The following THSD4 variants were observed in gnomAD, a reference collection of about 807,000 sequenced individuals.
THSD4 encodes thrombospondin type-1 domain-containing protein 4.
A neutral mutation model predicts 119.0 loss-of-function variants in THSD4; 69 were observed. That is an observed-to-expected ratio of 0.58 (90% CI 0.48 to 0.71). THSD4 has a LOEUF of 0.71. THSD4 is among the 30% of genes least tolerant of loss of function. THSD4 has a pLI of 0.00. For missense variants in THSD4, 1,393 were observed against 1,391.1 expected, an observed-to-expected ratio of 1.00 and a Z score of -0.02; for synonymous variants, 524 against 540.4, an observed-to-expected ratio of 0.97 and a Z score of 0.42.
intron 3 of THSD4, chr15:71,165,223 C>T (rs1309063286): frequency 1.3e-6 from 2 of 1,554,274 alleles, no homozygotes; most frequent in African/African-American, 1.4e-5. Context: ...CCTTGTCCAC[C>T]TTTGCCATAT....
At chr15:71,457,038 A>G (rs1265217776) in intron 7 of THSD4, among the ~76,000 whole-genome samples, 2 of 152,110 alleles carry the variant, frequency 1.3e-5, no homozygotes, top group East Asian at 3.9e-4. Flanking sequence ...ATGAACATCC[A>G]TTAAACAAGG....
chr15:71,138,333 T>A (rs1428576736), intron 1 of THSD4, among the ~76,000 whole-genome samples: 1 of 152,140 alleles, frequency 6.6e-6, no homozygotes, highest in East Asian at 1.9e-4. Context: ...GCCCCCATGA[T>A]CCAGTCACTT....
chr15:71,342,168 T>C (rs545059013), intron 6 of THSD4, among the ~76,000 whole-genome samples: 85 of 152,318 alleles, frequency 5.6e-4, no homozygotes, highest in African/African-American at 2.0e-3. Flanking sequence ...GTAGGTGTTA[T>C]TTAATAACAT....
intron 6 of THSD4, among the ~76,000 whole-genome samples, chr15:71,346,863 A>ATT (rs1596355013): frequency 7.4e-5 from 7 of 95,228 alleles, no homozygotes; most frequent in Admixed American, 1.1e-4. Context: ...TTTCATTTTC[A>ATT]TTTTCTTTTT....
rs372727721 is a variant in THSD4 at position 71,415,709 on chromosome 15, A to G, written c.1152+3886A>G. 3.5e-4 allele frequency among the ~76,000 whole-genome samples: 54 copies of G among 152,278 alleles called. No homozygotes were observed. In the East Asian group the frequency reaches 9.8e-3, roughly 28 times the overall value. The stretch of plus-strand genomic sequence containing the variant: ...CAACTACCCTTCCCAGCCTCTGGTA[A>G]CCATCATTATCCTCTCTATCTCCAT... On this transcript the variant is annotated intron_variant, in intron 7 of 17. Coordinates refer to ENST00000261862, the MANE Select transcript of THSD4 (RefSeq NM_024817.3).
intron 1 of THSD4, among the ~76,000 whole-genome samples, chr15:71,097,972 G>A (rs954732193): frequency 6.6e-6 from 1 of 151,712 alleles, no homozygotes; most frequent in African/African-American, 2.4e-5. Context: ...GATGTTTTTG[G>A]GGAAACATCT....
chr15:71,377,551 A>G (rs2046155374), intron 6 of THSD4, among the ~76,000 whole-genome samples: 1 of 152,060 alleles, frequency 6.6e-6, no homozygotes, highest in African/African-American at 2.4e-5. Context: ...CAAAGGGACA[A>G]GAGGACATTG....
intron 8 of THSD4, among the ~76,000 whole-genome samples, chr15:71,715,630 AG>A (rs2052592157): frequency 1.3e-5 from 2 of 152,110 alleles, no homozygotes; most frequent in African/African-American, 4.8e-5. Context: ...AATCAAAGAA[AG>A]AACTATCCTA....
At chr15:71,658,307 A>G (rs2051231080) in intron 7 of THSD4, among the ~76,000 whole-genome samples, 1 of 152,216 alleles carries the variant, frequency 6.6e-6, no homozygotes, top group Non-Finnish European at 1.5e-5. Flanking sequence ...CAGCCGTGTC[A>G]TTCTGTGTTC....
intron 6 of THSD4, among the ~76,000 whole-genome samples, chr15:71,338,318 A>G (rs1055315457): frequency 1.4e-5 from 2 of 141,120 alleles, no homozygotes; most frequent in Non-Finnish European, 3.1e-5. Flanking sequence ...GCAGTAGGAC[A>G]GGAAGATCTG....
Position 71,737,959 on chromosome 15 carries a change from A to C in THSD4, c.1858A>C (p.Asn620His). 1.9e-6 allele frequency: 3 copies of C among 1,613,968 alleles called. No individual in the cohort carries two copies. The highest frequency in any genetic ancestry group is 2.5e-6 in the Non-Finnish European group (3 of 1,179,894). The change falls in exon 11 of 18, where the codon AAC (asparagine) becomes CAC (histidine). Residue 620 changes from asparagine to histidine, a missense_variant. By Grantham distance (68) the Asn-to-His change is moderately conservative (BLOSUM62 1). Transcript: ENST00000261862. ...GCCCCCACGGCGCAGCCGGGATCAC[A>C]ACTGGAAGCAGCTTGGGACAACAGA... is the stretch of plus-strand genomic sequence containing the variant. ...PQPPRRSRDH[N>H]WKQLGTTECS...
At chr15:71,776,005 A>G (rs8028659) in intron 17 of THSD4, among the ~76,000 whole-genome samples, 23,740 of 152,192 alleles carry the variant, frequency 0.16, 3,061 homozygotes, top group African/African-American at 0.35. Flanking sequence ...TCCATATACA[A>G]GGAAAAAAAC....
At chr15:71,297,315 C>CTTTTTTTTTTTTTTTTTTTTT (rs772196153) in intron 6 of THSD4, among the ~76,000 whole-genome samples, 1 of 137,658 alleles carries the variant, frequency 7.3e-6, no homozygotes, top group Non-Finnish European at 1.6e-5. Flanking sequence ...CTCTCCTCTT[C>CTTTTTTTTTTTTTTTTTTTTT]TTTTTTTTGT....
intron 8 of THSD4, among the ~76,000 whole-genome samples, chr15:71,671,854 G>T (rs2051537250): frequency 6.6e-6 from 1 of 152,132 alleles, no homozygotes. Flanking sequence ...TCTCTGTTTT[G>T]GTACCAGTAC....
intron 8 of THSD4, among the ~76,000 whole-genome samples, chr15:71,717,461 A>C (rs1346708941): frequency 6.6e-6 from 1 of 152,210 alleles, no homozygotes; most frequent in East Asian, 1.9e-4. Context: ...GGAATCTGGC[A>C]TAAAGGGAAA....
rs538922568 is a variant in THSD4 at position 71,782,751 on chromosome 15, G to A, written c.*5377G>A. 3 of 152,262 alleles carry A rather than the reference G, an allele frequency of 2.0e-5. No individual in the cohort carries two copies. The East Asian group carries it at 5.8e-4, about 29-fold the overall frequency. 9.4% of individuals were successfully genotyped at this position (152,262 alleles called of 1,614,324 possible). ...ATTACTCTGCTTTTCGACTCATTCA[G>A]GTAGCATTGTACCTGAACCTGATTG... On this transcript the variant is annotated 3_prime_UTR_variant, in exon 18 of 18. Transcript: ENST00000261862.
intron 1 of THSD4, among the ~76,000 whole-genome samples, chr15:71,141,056 A>G (rs149852187): frequency 7.1e-4 from 108 of 152,358 alleles, no homozygotes; most frequent in Non-Finnish European, 1.6e-4. Context: ...TTGTTAGACA[A>G]TATTTTTACT....
At chr15:71,182,738 C>G (rs542425971) in intron 3 of THSD4, among the ~76,000 whole-genome samples, 1 of 151,708 alleles carries the variant, frequency 6.6e-6, no homozygotes, top group East Asian at 1.9e-4. Context: ...TGTTAGTGGT[C>G]TATCTTTTCC....
At chr15:71,401,058 T>C (rs1161780791) in intron 6 of THSD4, among the ~76,000 whole-genome samples, 5 of 152,198 alleles carry the variant, frequency 3.3e-5, no homozygotes, top group African/African-American at 1.2e-4. Flanking sequence ...AGCTTGAACC[T>C]CGTTTCCTTC....
Sources: allele counts gnomAD v4.1 joint callset (sites outside exome capture counted in the v4.1 genomes callset), GRCh38; gene constraint gnomAD v4.1.1; transcripts MANE v1.5; gene names NCBI Gene and HGNC (gene_info 2026-07-23, HGNC 2026-07-21).